The following TMEM156 variants were observed in gnomAD, a reference collection of about 807,000 sequenced individuals.
TMEM156 encodes the protein transmembrane protein 156.
TMEM156 carries 28 observed loss-of-function variants against 30.5 expected under a neutral mutation model. The ratio of observed to expected loss-of-function variants is 0.92; its 90% CI spans 0.68 to 1.26. The LOEUF (loss-of-function observed/expected upper bound fraction) is 1.26, where lower values mean the gene tolerates loss of function less well. Among genes scored for constraint, TMEM156 ranks in the 50% most tolerant of loss-of-function variants. The probability of loss-of-function intolerance (pLI) is 0.00; values close to 1 mark genes in which losing one functional copy is unlikely to be tolerated. For missense variants in TMEM156, 351 were observed against 340.6 expected (o/e 1.03, Z -0.24); for synonymous variants, 137 against 119.9 (o/e 1.14, Z -0.93).
intron 5 of TMEM156, among the ~76,000 whole-genome samples, chr4:38,982,811 T>C (rs1711681456): frequency 6.6e-6 from 1 of 152,226 alleles, no homozygotes; most frequent in Non-Finnish European, 1.5e-5. Flanking sequence ...AGGGGAGATA[T>C]GAAATGAACT....
intron 1 of TMEM156, among the ~76,000 whole-genome samples, chr4:39,021,506 TCTTG>T (rs1267912069): frequency 1.3e-5 from 2 of 152,194 alleles, no homozygotes; most frequent in African/African-American, 4.8e-5. Context: ...CAGGTTATTT[TCTTG>T]CTGTTGCATT....
intron 1 of TMEM156, among the ~76,000 whole-genome samples, chr4:39,006,786 A>G (rs1713769511): frequency 6.6e-6 from 1 of 151,824 alleles, no homozygotes; most frequent in Non-Finnish European, 1.5e-5. Context: ...TAATAATGAT[A>G]ATAATAATTA....
chr4:39,018,764 T>C (rs1416651442), intron 1 of TMEM156, among the ~76,000 whole-genome samples: 1 of 152,168 alleles, frequency 6.6e-6, no homozygotes, highest in African/African-American at 2.4e-5. Context: ...CTCACACCTG[T>C]AATCCCAGCA....
intron 3 of TMEM156, among the ~76,000 whole-genome samples, chr4:38,991,206 C>CTTTTTTT (rs34417437): frequency 7.0e-6 from 1 of 142,770 alleles, no homozygotes. Context: ...TTTTAACTGT[C>CTTTTTTT]TTTTTCTTTT....
chr4:38,998,599 T>C, intron 2 of TMEM156, 41 bp downstream of exon 2: 3 of 1,534,592 alleles, frequency 2.0e-6, no homozygotes, highest in South Asian at 2.5e-5. Context: ...AATTAATTTA[T>C]ACCTGATACC....
intron 1 of TMEM156, among the ~76,000 whole-genome samples, chr4:38,999,440 A>AT (rs1340491000): frequency 6.6e-6 from 1 of 150,798 alleles, no homozygotes; most frequent in East Asian, 2.0e-4. Context: ...ATTCTGGGGA[A>AT]TTTTTTATGG....
rs762121200 is a variant in TMEM156 at position 39,001,396 on chromosome 4, G to GA, written c.89-2488dup. 8.2e-3 allele frequency among the ~76,000 whole-genome samples: 962 copies of GA among 117,294 alleles called. 16 individuals are homozygous for GA. Among genetic ancestry groups the GA allele is most frequent in the African/African-American group, 0.026 (850 of 32,348 alleles). The allele number at this position is 117,294 out of a possible 152,430, so 76.9% of individuals were successfully genotyped here. On this transcript the variant is annotated intron_variant, in intron 1 of 6. Coordinates refer to ENST00000381938, the MANE Select transcript of TMEM156 (RefSeq NM_024943.3). ...AATGAGACTCCATCTAAAAAAAAAA[G>GA]AAAAAAAAAAAAGAAAGAAAACAAC...
At chr4:39,006,305 G>A (rs375291844) in intron 1 of TMEM156, among the ~76,000 whole-genome samples, 1 of 151,854 alleles carries the variant, frequency 6.6e-6, no homozygotes, top group Non-Finnish European at 1.5e-5. Context: ...TAATTTTCTC[G>A]ATTTTTTCTA....
At chr4:39,030,110 G>C (rs946803155) in intron 1 of TMEM156, among the ~76,000 whole-genome samples, 2 of 151,782 alleles carry the variant, frequency 1.3e-5, no homozygotes, top group African/African-American at 4.8e-5. Flanking sequence ...CCAGCTGCTT[G>C]GGGACTGAGG....
intron 2 of TMEM156, among the ~76,000 whole-genome samples, chr4:38,997,417 G>C (rs1205674703): frequency 6.6e-6 from 1 of 152,042 alleles, no homozygotes; most frequent in East Asian, 1.9e-4. Flanking sequence ...TGTACACCCT[G>C]AATCTATAAT....
intron 1 of TMEM156, among the ~76,000 whole-genome samples, chr4:39,024,659 G>A (rs1042665993): frequency 6.6e-6 from 1 of 152,108 alleles, no homozygotes; most frequent in African/African-American, 2.4e-5. Context: ...AGACACTGGG[G>A]CCTACCAGAG....
At chr4:39,004,427 G>T (rs972664713) in intron 1 of TMEM156, among the ~76,000 whole-genome samples, 1 of 151,934 alleles carries the variant, frequency 6.6e-6, no homozygotes, top group African/African-American at 2.4e-5. Context: ...AATGTATTGT[G>T]CCAGTTAAAT....
chr4:38,972,611 C>A (rs1470669317), intron 5 of TMEM156, among the ~76,000 whole-genome samples: 2 of 151,130 alleles, frequency 1.3e-5, no homozygotes, highest in African/African-American at 4.9e-5. Flanking sequence ...GCCTTCTATA[C>A]CCAGAAGGTC....
chr4:39,023,040 G>A (rs1324525808), intron 1 of TMEM156, among the ~76,000 whole-genome samples: 1 of 152,154 alleles, frequency 6.6e-6, no homozygotes, highest in Non-Finnish European at 1.5e-5. Flanking sequence ...GGTATTTGAA[G>A]GTGGGGTCTG....
Position 38,988,914 on chromosome 4 carries a change from A to G in TMEM156, c.676T>C (p.Phe226Leu), listed in dbSNP as rs1266874884. Residue 226 changes from phenylalanine to leucine, a missense_variant, in exon 4 of 7, where the codon TTT becomes CTT. Phe to Leu is a conservative substitution (Grantham distance 22, BLOSUM62 0). Coordinates refer to ENST00000381938, the MANE Select transcript of TMEM156 (RefSeq NM_024943.3). ...WYILVLLVFI[F>L]LIILTIRKIL... ...TTGCGGATAGTGAGGATGATCAAAA[A>G]TATAAAAACTAATAGAACTAAAATA... 1 of 1,613,804 alleles carries G rather than the reference A, an allele frequency of 6.2e-7. No individual in the cohort carries two copies. The highest frequency in any genetic ancestry group is 8.5e-7 in the Non-Finnish European group (1 of 1,179,714).
chr4:38,994,260 G>A (rs1057011246), intron 2 of TMEM156, among the ~76,000 whole-genome samples: 4 of 152,052 alleles, frequency 2.6e-5, no homozygotes, highest in African/African-American at 9.7e-5. Context: ...GAGTAGCTGG[G>A]ACTACAGGTG....
intron 1 of TMEM156, among the ~76,000 whole-genome samples, chr4:39,020,651 G>A (rs1714805904): frequency 1.3e-5 from 2 of 152,078 alleles, no homozygotes; most frequent in Admixed American, 1.3e-4. Context: ...TCCCGTTCGA[G>A]CAATTCTCCT....
chr4:39,004,430 A>T (rs1476479304), intron 1 of TMEM156, among the ~76,000 whole-genome samples: 7 of 152,148 alleles, frequency 4.6e-5, no homozygotes, highest in Non-Finnish European at 7.4e-5. Flanking sequence ...GTATTGTGCC[A>T]GTTAAATAAT....
intron 1 of TMEM156, among the ~76,000 whole-genome samples, chr4:39,002,791 A>G (rs1202026594): frequency 1.3e-5 from 2 of 150,818 alleles, no homozygotes; most frequent in African/African-American, 4.9e-5. Context: ...AGAACAAAAA[A>G]CCAAACACCG....
Sources: gnomAD v4.1 joint callset for allele counts (sites outside exome capture counted in the v4.1 genomes callset) on GRCh38, gnomAD v4.1.1 for gene constraint, MANE v1.5 for transcripts, NCBI Gene and HGNC (gene_info 2026-07-23, HGNC 2026-07-21) for gene names.